Variants in NBAS observed in about 807,000 individuals in gnomAD.
NBAS encodes NBAS subunit of NRZ tethering complex, also known as NAG/BC035112 fusion.
A neutral mutation model predicts 302.5 loss-of-function variants in NBAS; 219 were observed. The observed-to-expected ratio is 0.72, with a 90% CI of 0.65 to 0.81. NBAS has a LOEUF of 0.81. Ranked by LOEUF, NBAS falls within the 30% of genes least tolerant of loss-of-function variation. The pLI, the probability that NBAS is intolerant of heterozygous loss-of-function variation, is 0.00. For missense variants in NBAS, 2,932 were observed against 2,841.6 expected (o/e 1.03, Z -0.72); for synonymous variants, 1,118 against 1,021.6 (o/e 1.09, Z -1.80).
chr2:14,898,080 T>C, the NBAS span, among the ~76,000 whole-genome samples: 4 of 152,210 alleles, frequency 2.6e-5, no homozygotes, highest in Non-Finnish European at 5.9e-5. Flanking sequence ...TAAAGGCCTT[T>C]CCATGGCCTA....
In NBAS at chr2:15,467,298, C is replaced by T. The variant is rs777366490; in HGVS notation, c.2097+31G>A. The stretch of plus-strand genomic sequence containing the variant: ...CATTTATAATGACAGATCAAATGAA[C>T]ATAATTGGTTTGACAAAAATTATTC... On this transcript the variant is annotated intron_variant, in intron 19 of 51. Coordinates refer to ENST00000281513, the MANE Select transcript of NBAS (RefSeq NM_015909.4). 15 of 1,449,602 alleles carry T rather than the reference C, an allele frequency of 1.0e-5. No individual in the cohort carries two copies. In the South Asian group the frequency reaches 1.6e-4, roughly 15 times the overall value. The allele number at this position is 1,449,602 out of a possible 1,614,324, so 89.8% of individuals were successfully genotyped here. A position where few individuals can be genotyped will look rare whatever the true frequency, so the allele number is the denominator to read the frequency against.
the NBAS span, among the ~76,000 whole-genome samples, chr2:15,151,409 G>A: frequency 5.1e-4 from 77 of 152,302 alleles, 1 homozygote; most frequent in South Asian, 0.016. Flanking sequence ...CTGTGGCTTG[G>A]CATCAATGTA....
rs183571385 is a variant in NBAS, at chr2:15,440,287, G to A, written c.2340-12493C>T. ...TAGGGGCAGACTGACACTTCACACGGCCCGGTACTCCGCTGAGACAAAACT... is the reference window on the plus strand; with the variant it reads ...TAGGGGCAGACTGACACTTCACACGACCCGGTACTCCGCTGAGACAAAACT... On this transcript the variant is annotated intron_variant, in intron 21 of 51. Transcript: ENST00000281513. Among the ~76,000 whole-genome samples the A allele has an allele frequency of 1.2e-4, 18 of 152,270 alleles. No individual in the cohort carries two copies. The East Asian group carries it at 2.3e-3, about 20-fold the overall frequency.
the NBAS span, among the ~76,000 whole-genome samples, chr2:14,956,479 C>T: frequency 1.3e-5 from 2 of 152,130 alleles, no homozygotes; most frequent in Admixed American, 1.3e-4. Flanking sequence ...TCTGTAGTAC[C>T]AATTTACTGT....
chr2:15,097,391 G>A, the NBAS span, among the ~76,000 whole-genome samples: 1 of 152,140 alleles, frequency 6.6e-6, no homozygotes, highest in Non-Finnish European at 1.5e-5. Context: ...GTCATGAGGA[G>A]TGAAGAATGA....
Position 15,461,113 on chromosome 2 carries a change from TA to T in NBAS, c.2339+87del, listed in dbSNP as rs201747699. The T allele has an allele frequency of 1.9e-3, 2,281 of 1,209,710 alleles. 23 individuals carry two copies. In the African/African-American group the frequency reaches 0.02, roughly 10 times the overall value. The allele number at this position is 1,209,710 out of a possible 1,614,324, so 74.9% of individuals were successfully genotyped here. A position where few individuals can be genotyped will look rare whatever the true frequency, so the allele number is the denominator to read the frequency against. ...AAGTTTAAATATATTACATTAAAAT[TA>T]TTTTTTTTAACTTTAAGGTGTTCAG... is the stretch of plus-strand genomic sequence containing the variant. On this transcript the variant is annotated intron_variant, in intron 21 of 51. Coordinates refer to ENST00000281513, the MANE Select transcript of NBAS (RefSeq NM_015909.4).
chr2:15,190,958 A>T (rs1220486499), intron 48 of NBAS, among the ~76,000 whole-genome samples: 1 of 152,192 alleles, frequency 6.6e-6, no homozygotes, highest in East Asian at 1.9e-4. Flanking sequence ...GTCTCTGCCA[A>T]ATACAAAACA....
chr2:15,049,174 G>C, the NBAS span, among the ~76,000 whole-genome samples: 1 of 152,182 alleles, frequency 6.6e-6, no homozygotes, highest in Non-Finnish European at 1.5e-5. Context: ...CTCAAGGCCG[G>C]CAGCTGCGAC....
chr2:15,510,047 A>G (rs1572948188), intron 10 of NBAS, among the ~76,000 whole-genome samples: 1 of 152,138 alleles, frequency 6.6e-6, no homozygotes, highest in Non-Finnish European at 1.5e-5. Context: ...ACGGGGTTTC[A>G]CCATGTTGCT....
chr2:15,256,619 T>C (rs1668611101), intron 44 of NBAS, among the ~76,000 whole-genome samples: 1 of 152,204 alleles, frequency 6.6e-6, no homozygotes, highest in Non-Finnish European at 1.5e-5. Flanking sequence ...AAAGTGGGCA[T>C]CCTTGTCTTA....
chr2:15,292,877 C>T (rs1670374928), intron 40 of NBAS, 111 bp from the exon 41 acceptor site: 2 of 1,068,100 alleles, frequency 1.9e-6, no homozygotes, highest in African/African-American at 1.6e-5. Flanking sequence ...GCCCTGTACA[C>T]TATTGCCATT....
At chr2:15,384,163 T>C (rs544563465) in intron 28 of NBAS, among the ~76,000 whole-genome samples, 12 of 152,338 alleles carry the variant, frequency 7.9e-5, no homozygotes, top group African/African-American at 2.9e-4. Context: ...ATCTGGTTGA[T>C]TAAAAACCAC....
At chr2:15,184,433 T>C (rs1664976716) in intron 50 of NBAS, among the ~76,000 whole-genome samples, 1 of 151,880 alleles carries the variant, frequency 6.6e-6, no homozygotes, top group Admixed American at 6.6e-5. Flanking sequence ...CTGAGCTTGT[T>C]TTCCTGCAAC....
At chr2:14,914,345 GCCACATGGGGGTTGCCCTTGGGAAGAGA>G in the NBAS span, among the ~76,000 whole-genome samples, 1 of 152,220 alleles carries the variant, frequency 6.6e-6, no homozygotes, top group Non-Finnish European at 1.5e-5. Flanking sequence ...ACCCCACAGG[GCCACATGGGGGTTGCCCTTGGGAAGAGA>G]CTGCACCAGC....
the NBAS span, among the ~76,000 whole-genome samples, chr2:14,839,648 T>A: frequency 6.6e-6 from 1 of 152,010 alleles, no homozygotes; most frequent in Non-Finnish European, 1.5e-5. Context: ...TCTCCCCCAT[T>A]TGAGACAGGT....
the NBAS span, among the ~76,000 whole-genome samples, chr2:14,885,327 G>A: frequency 6.6e-6 from 1 of 151,996 alleles, no homozygotes; most frequent in Non-Finnish European, 1.5e-5. Flanking sequence ...AATGAGAGAA[G>A]GGAGCGAATC....
intron 48 of NBAS, among the ~76,000 whole-genome samples, chr2:15,218,222 A>G (rs1666740590): frequency 6.6e-6 from 1 of 152,214 alleles, no homozygotes; most frequent in Admixed American, 6.5e-5. Context: ...TCCTATTAAG[A>G]GAAAAATAAT....
chr2:14,868,958 T>G, the NBAS span, among the ~76,000 whole-genome samples: 5 of 152,204 alleles, frequency 3.3e-5, no homozygotes, highest in African/African-American at 7.2e-5. Flanking sequence ...GCACTTGGAT[T>G]ATAAATCGTA....
chr2:15,234,259 G>A (rs1297085484), intron 46 of NBAS, among the ~76,000 whole-genome samples: 1 of 152,140 alleles, frequency 6.6e-6, no homozygotes, highest in Non-Finnish European at 1.5e-5. Flanking sequence ...TTACTTACCT[G>A]TGTCAAATGC....
Sources: gnomAD v4.1 joint callset for allele counts (sites outside exome capture counted in the v4.1 genomes callset) on GRCh38, gnomAD v4.1.1 for gene constraint, MANE v1.5 for transcripts, NCBI Gene and HGNC (gene_info 2026-07-23, HGNC 2026-07-21) for gene names.